The following GIPR variants were observed in gnomAD, a reference collection of about 807,000 sequenced individuals.
The protein encoded by GIPR is gastric inhibitory polypeptide receptor, also known as GIP-R.
GIPR carries 74 observed loss-of-function variants against 62.2 expected under a neutral mutation model. That is an observed-to-expected ratio of 1.19 (90% CI 0.99 to 1.44). The LOEUF (loss-of-function observed/expected upper bound fraction) is 1.44. GIPR is among the 40% of genes most tolerant of loss of function. The pLI, the probability that GIPR is intolerant of heterozygous loss-of-function variation, is 0.00. For synonymous variants in GIPR, 256 were observed against 262.2 expected (o/e 0.98, Z 0.23); for missense variants, 664 against 611.8 (o/e 1.09, Z -0.90).
In GIPR at chr19:45,677,776, C is replaced by A. The variant is rs753715622; in HGVS notation, c.921C>A (p.Ile307=). 6.2e-7 allele frequency: 1 copy of A among 1,612,520 alleles called. No homozygotes were observed. The highest frequency in any genetic ancestry group is 2.2e-5 in the East Asian group (1 of 44,866). ...TACGGACCCCCATCCTCATGACCAT[C>A]TTGGTAGGATCGGTCCCGCCTCCAC... ...WIIRTPILMT[I]LINFLIFIRI... Residue 307 remains isoleucine (I), a synonymous_variant, in exon 10 of 14, where the codon ATC becomes ATA. Coordinates refer to ENST00000590918, the MANE Select transcript of GIPR (RefSeq NM_000164.4).
At chr19:45,672,652 A>T in intron 4 of GIPR, 199 bp from the exon 5 acceptor site, 3 of 570,026 alleles carry the variant, frequency 5.3e-6, no homozygotes, top group Non-Finnish European at 9.7e-6. Context: ...TAGGTTAAGG[A>T]TATTACTAAT....
At chr19:45,677,273 C>A in intron 8 of GIPR, 50 bp from the exon 9 acceptor site, 3 of 1,378,542 alleles carry the variant, frequency 2.2e-6, no homozygotes, top group Non-Finnish European at 3.0e-6. Flanking sequence ...GGCCCGTGAG[C>A]GCGCTGACAG....
intron 2 of GIPR, chr19:45,670,398 T>C: frequency 2.2e-6 from 1 of 451,926 alleles, no homozygotes; most frequent in Non-Finnish European, 4.0e-6. Flanking sequence ...CCTGATAATT[T>C]CCAGCCACCC....
At chr19:45,671,225 AGCACTT>A in intron 3 of GIPR, 54 bp from the exon 4 acceptor site, 1 of 959,936 alleles carries the variant, frequency 1.0e-6, no homozygotes, top group Non-Finnish European at 1.7e-6. Context: ...ACTGCGCAGT[AGCACTT>A]GGCCCACTGC....
intron 7 of GIPR, 138 bp from the exon 8 acceptor site, chr19:45,676,811 G>A: frequency 1.3e-6 from 1 of 774,692 alleles, no homozygotes; most frequent in South Asian, 1.4e-5. Context: ...ACCAATCACA[G>A]ATACCATTCA....
At chr19:45,680,150 C>A (rs1013605306) in intron 12 of GIPR, among the ~76,000 whole-genome samples, 2 of 152,028 alleles carry the variant, frequency 1.3e-5, no homozygotes, top group African/African-American at 2.4e-5. Context: ...ACTTTGGAGG[C>A]CAAGGAGGCC....
chr19:45,676,834 A>C (rs928005150), intron 7 of GIPR, 115 bp from the exon 8 acceptor site: 1 of 902,730 alleles, frequency 1.1e-6, no homozygotes, highest in African/African-American at 1.6e-5. Flanking sequence ...GGGGACACAG[A>C]GTGGAAGAAC....
chr19:45,676,954 C>T lies in GIPR; in HGVS notation c.639C>T (p.Leu213=), dbSNP rs952969456. The change falls in exon 8 of 14, where the codon CTC becomes CTT. Residue 213 remains leucine, a synonymous_variant. Coordinates refer to ENST00000590918, the MANE Select transcript of GIPR (RefSeq NM_000164.4). ...DQALALWNQA[L]AACRTAQIVT... is the part of the protein sequence containing the mutation. ...CCGGTCTGGCCCCTCCCTAGGCCCT[C>T]GCTGCCTGCCGCACGGCCCAGATCG... is the stretch of plus-strand genomic sequence containing the variant. 2.4e-5 allele frequency: 39 copies of T among 1,613,844 alleles called. No individual in the cohort carries two copies. The highest frequency in any genetic ancestry group is 3.3e-5 in the Non-Finnish European group (39 of 1,179,992).
In GIPR at chr19:45,671,357, C is replaced by T. The variant is rs1240035681; in HGVS notation, c.245C>T (p.Ala82Val). 1 of 1,611,580 alleles carries T rather than the reference C, an allele frequency of 6.2e-7. No individual in the cohort carries two copies. The highest frequency in any genetic ancestry group is 8.5e-7 in the Non-Finnish European group (1 of 1,179,166). ...DYAAPNATAR[A>V]SCPWYLPWHH... is the part of the protein sequence containing the mutation. ...GCTGCACCCAATGCCACTGCCCGTG[C>T]GTCCTGCCCCTGGTACCTGCCCTGG... is the stretch of plus-strand genomic sequence containing the variant. Residue 82 changes from alanine (A) to valine (V), a missense_variant, in exon 4 of 14, where the codon GCG becomes GTG. Transcript: ENST00000590918.
chr19:45,668,630 A>G (rs1221576164), intron 1 of GIPR, among the ~76,000 whole-genome samples: 2 of 151,322 alleles, frequency 1.3e-5, no homozygotes, highest in Non-Finnish European at 2.9e-5. Flanking sequence ...TGCGCCTCTC[A>G]GTCTTTACAT....
At chr19:45,678,745 G>T (rs184478662) in intron 12 of GIPR, among the ~76,000 whole-genome samples, 1 of 152,196 alleles carries the variant, frequency 6.6e-6, no homozygotes, top group African/African-American at 2.4e-5. Context: ...GGAGATTGGC[G>T]GCCCCAGCAG....
Position 45,677,336 on chromosome 19 carries a change from T to C in GIPR, c.807T>C (p.Leu269=), listed in dbSNP as rs1240889775. ...YLLLGWGAPA[L]FVIPWVIVRY... The stretch of plus-strand genomic sequence containing the variant: ...GGGTCTGCACAGGGGCCCCCGCGCT[T>C]TTCGTCATTCCCTGGGTGATCGTCA... Residue 269 remains leucine (L), a synonymous_variant, in exon 9 of 14, where the codon CTT becomes CTC. Transcript: ENST00000590918. 2.5e-6 allele frequency: 4 copies of C among 1,595,670 alleles called. No homozygotes were observed. Among genetic ancestry groups the C allele is most frequent in the Non-Finnish European group, 2.6e-6 (3 of 1,169,148 alleles).
chr19:45,668,367 CCTCT>C (rs1975370380), intron 1 of GIPR, 69 bp downstream of exon 1: 1 of 153,194 alleles, frequency 6.5e-6, no homozygotes, highest in Non-Finnish European at 1.5e-5. Flanking sequence ...TGGCACTCTC[CCTCT>C]CTGCTTCTCT....
chr19:45,682,039 A>T lies in GIPR; in HGVS notation c.*104A>T. On this transcript the variant is annotated 3_prime_UTR_variant, in exon 14 of 14. Coordinates refer to ENST00000590918, the MANE Select transcript of GIPR (RefSeq NM_000164.4). The stretch of plus-strand genomic sequence containing the variant: ...GCTGGGGAAATGGTGAAGGAAACAG[A>T]AAAAAGGTCCCTGCCCTTCTGGAGA... The T allele has an allele frequency of 2.0e-6, 2 of 994,014 alleles. No homozygotes were observed. Among genetic ancestry groups the T allele is most frequent in the Non-Finnish European group, 3.1e-6 (2 of 647,770 alleles). The allele number at this position is 994,014 out of a possible 1,614,324, so 61.6% of individuals were successfully genotyped here.
At chr19:45,677,524 G>A in intron 9 of GIPR, 141 bp downstream of exon 9, 1 of 826,058 alleles carries the variant, frequency 1.2e-6, no homozygotes, top group East Asian at 2.5e-5. Context: ...GTAATGGGGA[G>A]CTAGGAAAGG....
At chr19:45,675,574 C>CAA (rs35162445) in intron 7 of GIPR, among the ~76,000 whole-genome samples, 16,170 of 48,386 alleles carry the variant, frequency 0.33, 3,310 homozygotes, top group Admixed American at 0.45. Flanking sequence ...GACTCCATCG[C>CAA]AAAAAAAAAA....
At chr19:45,674,878 G>A (rs1214197394) in intron 7 of GIPR, 52 bp downstream of exon 7, 1 of 1,559,284 alleles carries the variant, frequency 6.4e-7, no homozygotes, top group Admixed American at 1.7e-5. Flanking sequence ...TCTCTGGTGG[G>A]ACCAGGAAGT....
Position 45,674,120 on chromosome 19 carries a change from G to T in GIPR, c.431G>T (p.Gly144Val), listed in dbSNP as rs754919812. The part of the protein sequence containing the change: ...LERLQVMYTV[G>V]YSLSLATLLL... ...CGGTTGCAGGTCATGTACACTGTCGGCTACTCCCTGTCTCTCGCCACACTG... is the reference window on the plus strand; with the variant it reads ...CGGTTGCAGGTCATGTACACTGTCGTCTACTCCCTGTCTCTCGCCACACTG... The change falls in exon 6 of 14, where the codon GGC (glycine) becomes GTC (valine). Residue 144 changes from glycine (G) to valine (V), a missense_variant. Coordinates refer to ENST00000590918, the MANE Select transcript of GIPR (RefSeq NM_000164.4). The T allele has an allele frequency of 6.2e-7, 1 of 1,613,772 alleles. No individual in the cohort carries two copies. The highest frequency in any genetic ancestry group is 1.1e-5 in the South Asian group (1 of 91,082).
chr19:45,681,499 AAAAC>A (rs149092660), intron 12 of GIPR, 101 bp from the exon 13 acceptor site: 12,833 of 986,874 alleles, frequency 0.013, 121 homozygotes, highest in African/African-American at 0.017. Context: ...CCGACTCTTA[AAAAC>A]AAACAAACAA....
Sources: allele counts gnomAD v4.1 joint callset (sites outside exome capture counted in the v4.1 genomes callset), GRCh38; gene constraint gnomAD v4.1.1; transcripts MANE v1.5; gene names NCBI Gene and HGNC (gene_info 2026-07-23, HGNC 2026-07-21).